Variants in VAV2 observed in about 807,000 individuals in gnomAD.
VAV2 encodes guanine nucleotide exchange factor VAV2.
Under a neutral mutation model 132.5 loss-of-function variants are expected in VAV2, and 67 were observed. The observed-to-expected ratio is 0.51, with a 90% CI of 0.42 to 0.62. The LOEUF is 0.62. Among genes scored for constraint, VAV2 ranks in the 20% least tolerant of loss-of-function variants. VAV2 has a pLI of 0.00. For synonymous variants in VAV2, 492 were observed against 443.5 expected (o/e 1.11, Z -1.37); for missense variants, 938 against 1,153.6 (o/e 0.81, Z 2.71).
At position 133,982,313 on chromosome 9, in the gene VAV2, G is replaced by A. The variant is rs554731590; in HGVS notation, c.204+9762C>T. On this transcript the variant is annotated intron_variant, in intron 1 of 29. Transcript: ENST00000371850. ...CTCCAGGGCAGGAGCACCAAACTGT[G>A]CATGGCTGCAGCACACGTGGCCGCA... 2.0e-5 allele frequency among the ~76,000 whole-genome samples: 3 copies of A among 152,360 alleles called. No individual in the cohort carries two copies. The South Asian group carries it at 6.2e-4, about 32-fold the overall frequency.
chr9:133,946,350 T>C (rs1841358870), intron 1 of VAV2, among the ~76,000 whole-genome samples: 1 of 152,206 alleles, frequency 6.6e-6, no homozygotes, highest in Non-Finnish European at 1.5e-5. Flanking sequence ...CATGTGCTCC[T>C]TGCTGCAAAA....
At chr9:133,886,005 G>GGA (rs1460013896) in intron 2 of VAV2, among the ~76,000 whole-genome samples, 1 of 152,214 alleles carries the variant, frequency 6.6e-6, no homozygotes, top group Non-Finnish European at 1.5e-5. Flanking sequence ...AGCGTGTGCA[G>GGA]GAGACTGGTC....
At chr9:133,812,040 T>G in intron 5 of VAV2, 74 bp downstream of exon 5, 2 of 1,463,212 alleles carry the variant, frequency 1.4e-6, no homozygotes, top group Non-Finnish European at 9.6e-7. Context: ...CAGCTCGGTA[T>G]TGTGTTAAGC....
chr9:133,944,811 G>A (rs1389983891), intron 1 of VAV2, among the ~76,000 whole-genome samples: 1 of 152,264 alleles, frequency 6.6e-6, no homozygotes, highest in Non-Finnish European at 1.5e-5. Context: ...GACCATGCAG[G>A]AGGAGCGTGG....
At chr9:133,861,040 C>G (rs1254760663) in intron 3 of VAV2, among the ~76,000 whole-genome samples, 1 of 152,236 alleles carries the variant, frequency 6.6e-6, no homozygotes, top group Non-Finnish European at 1.5e-5. Flanking sequence ...ACCTCATTCT[C>G]GGCACAGCCC....
chr9:133,814,715 C>T (rs936386747), intron 4 of VAV2, among the ~76,000 whole-genome samples: 10 of 152,218 alleles, frequency 6.6e-5, no homozygotes, highest in African/African-American at 9.6e-5. Flanking sequence ...GCCCAGGGCT[C>T]TCCCCCACCA....
chr9:133,767,727 C>T (rs1833483200), intron 29 of VAV2, among the ~76,000 whole-genome samples: 1 of 152,196 alleles, frequency 6.6e-6, no homozygotes, highest in Non-Finnish European at 1.5e-5. Context: ...CACTGGGAGC[C>T]AAGGTTAACT....
intron 19 of VAV2, among the ~76,000 whole-genome samples, chr9:133,783,143 T>A (rs1471667042): frequency 6.6e-6 from 1 of 152,194 alleles, no homozygotes; most frequent in African/African-American, 2.4e-5. Context: ...GGGTGACCGG[T>A]GTTTCTGTGA....
chr9:133,788,928 G>A lies in VAV2; in HGVS notation c.1274+330C>T, dbSNP rs1834343349. ...CCACCGTGCGCCTGGACACTCTCCG[G>A]CAGTCATTTGGCAAAGAGCCCATCC... On this transcript the variant is annotated intron_variant, in intron 14 of 29. Transcript: ENST00000371850. This position sits in a 1 kb window ranked among gnomAD's most constrained non-coding sequence, Gnocchi z 5.3. Among the ~76,000 whole-genome samples the A allele has an allele frequency of 6.6e-6, 1 of 152,226 alleles. No homozygotes were observed. The highest frequency in any genetic ancestry group is 6.5e-5 in the Admixed American group (1 of 15,290).
In VAV2 at chr9:133,928,318, G is replaced by C. The variant is rs1319992113; in HGVS notation, c.321+10785C>G. On this transcript the variant is annotated intron_variant, in intron 2 of 29. Transcript: ENST00000371850. This position sits in a 1 kb window ranked among gnomAD's most constrained non-coding sequence, Gnocchi z 5.4. The stretch of plus-strand genomic sequence containing the variant: ...CGTCCTGAAATGACAACAACTAGCA[G>C]ATAAAAGAGGAAATGTTTTCAAGCA... 6.6e-6 allele frequency among the ~76,000 whole-genome samples: 1 copy of C among 152,162 alleles called. No homozygotes were observed. The highest frequency in any genetic ancestry group is 1.9e-4 in the East Asian group (1 of 5,178).
chr9:133,869,286 T>G (rs1237140819), intron 2 of VAV2, among the ~76,000 whole-genome samples: 1 of 151,768 alleles, frequency 6.6e-6, no homozygotes, highest in Non-Finnish European at 1.5e-5. Flanking sequence ...CCACACCCAG[T>G]CCCATCTCTT....
In VAV2 at chr9:133,772,091, C is replaced by T. The variant is rs372643451; in HGVS notation, c.2136-45G>A. The T allele has an allele frequency of 1.2e-3, 1,856 of 1,518,844 alleles. 5 individuals are homozygous for T. Among genetic ancestry groups the T allele is most frequent in the Middle Eastern group, 9.4e-3 (55 of 5,852 alleles). The allele number at this position is 1,518,844 out of a possible 1,614,324, so 94.1% of individuals were successfully genotyped here. The stretch of plus-strand genomic sequence containing the variant: ...CGGCGGTCACCGCGTGAGGGCCACA[C>T]GGCCCCGGCCCCCTTGGCAGCCAGG... On this transcript the variant is annotated intron_variant, in intron 25 of 29. Coordinates refer to ENST00000371850, the MANE Select transcript of VAV2 (RefSeq NM_001134398.2).
At chr9:133,792,449 GGTAGGGTGTGTGTGATT>G in intron 12 of VAV2, among the ~76,000 whole-genome samples, 1 of 137,400 alleles carries the variant, frequency 7.3e-6, no homozygotes, top group South Asian at 2.5e-4. Context: ...GGCTGTACTG[GGTAGGGTGTGTGTGATT>G]GTGTGTGTGA....
chr9:133,775,861 A>C (rs936784067), intron 24 of VAV2, among the ~76,000 whole-genome samples, 167 bp downstream of exon 24: 26 of 152,318 alleles, frequency 1.7e-4, no homozygotes, highest in African/African-American at 5.1e-4. Flanking sequence ...GCCAGGAGGG[A>C]GAAGGCATTT....
chr9:133,950,199 C>G (rs564746210), intron 1 of VAV2, among the ~76,000 whole-genome samples: 1 of 152,360 alleles, frequency 6.6e-6, no homozygotes, highest in Admixed American at 6.5e-5. Flanking sequence ...TTGCCCCTCT[C>G]CATCCTGACG....
At chr9:133,967,522 A>G (rs923117183) in intron 1 of VAV2, among the ~76,000 whole-genome samples, 1 of 152,254 alleles carries the variant, frequency 6.6e-6, no homozygotes, top group African/African-American at 2.4e-5. Flanking sequence ...AAAATGTGAC[A>G]TATATACACA....
At chr9:133,856,791 C>T (rs1439908108) in intron 3 of VAV2, among the ~76,000 whole-genome samples, 1 of 152,230 alleles carries the variant, frequency 6.6e-6, no homozygotes, top group Non-Finnish European at 1.5e-5. Context: ...ACAGCCCCAT[C>T]GCTCTAACTC....
intron 2 of VAV2, among the ~76,000 whole-genome samples, chr9:133,897,156 C>T (rs1366110106): frequency 2.0e-5 from 3 of 152,152 alleles, no homozygotes; most frequent in African/African-American, 7.2e-5. Context: ...GGAAGCGACT[C>T]GGGAGCCTAT....
intron 2 of VAV2, among the ~76,000 whole-genome samples, chr9:133,882,322 G>A (rs1041920841): frequency 3.9e-5 from 6 of 152,234 alleles, no homozygotes; most frequent in East Asian, 1.9e-4. Flanking sequence ...CCAAAGGGGC[G>A]GCCCTGCTGT....
Sources: allele counts gnomAD v4.1 joint callset (sites outside exome capture counted in the v4.1 genomes callset), GRCh38; gene constraint gnomAD v4.1.1; non-coding constraint Gnocchi (gnomAD v3.1); transcripts MANE v1.5; gene names NCBI Gene and HGNC (gene_info 2026-07-23, HGNC 2026-07-21).